RFX3: variants seen among roughly 807,000 people sequenced by gnomAD.
RFX3 encodes regulatory factor X3.
RFX3 carries 14 observed loss-of-function variants against 98.6 expected under a neutral mutation model. The observed-to-expected ratio is 0.14, with a 90% CI of 0.09 to 0.22. RFX3 has a LOEUF of 0.22. Ranked by LOEUF, RFX3 falls within the 10% of genes least tolerant of loss-of-function variation. RFX3 has a pLI of 1.00. For missense variants in RFX3, 639 were observed against 926.9 expected, an observed-to-expected ratio of 0.69 and a Z score of 4.03; for synonymous variants, 383 against 328.4, an observed-to-expected ratio of 1.17 and a Z score of -1.80.
intron 15 of RFX3, among the ~76,000 whole-genome samples, chr9:3,242,680 T>G (rs984097468): frequency 6.6e-6 from 1 of 152,160 alleles, no homozygotes; most frequent in Non-Finnish European, 1.5e-5. Flanking sequence ...TTGCTCTTCT[T>G]CAGTTTCTAG....
At chr9:3,342,346 A>G (rs1833979613) in intron 3 of RFX3, among the ~76,000 whole-genome samples, 2 of 152,130 alleles carry the variant, frequency 1.3e-5, no homozygotes, top group Admixed American at 6.6e-5. Flanking sequence ...TAACCACAGA[A>G]CTCTTAAGGG....
At chr9:3,345,987 G>A (rs369488051) in intron 3 of RFX3, among the ~76,000 whole-genome samples, 4 of 152,126 alleles carry the variant, frequency 2.6e-5, no homozygotes, top group African/African-American at 4.8e-5. Context: ...TAAGTTAACC[G>A]AGGAAGCCAA....
chr9:3,285,574 C>A (rs1826485778), intron 7 of RFX3, among the ~76,000 whole-genome samples: 1 of 151,602 alleles, frequency 6.6e-6, no homozygotes, highest in Admixed American at 6.6e-5. Context: ...CCACAGAAGA[C>A]TCCTGCTGCC....
chr9:3,432,089 T>C (rs2132544988), intron 1 of RFX3, among the ~76,000 whole-genome samples: 1 of 152,278 alleles, frequency 6.6e-6, no homozygotes, highest in East Asian at 1.9e-4. Context: ...GAGAAGCTCT[T>C]TTGCCACACT....
intron 1 of RFX3, among the ~76,000 whole-genome samples, chr9:3,436,258 T>C (rs1369808789): frequency 6.6e-6 from 1 of 152,086 alleles, no homozygotes; most frequent in African/African-American, 2.4e-5. Flanking sequence ...TAGATTTCCA[T>C]TTTCAGATAG....
intron 15 of RFX3, among the ~76,000 whole-genome samples, chr9:3,230,608 T>C (rs1350816690): frequency 6.6e-6 from 1 of 152,196 alleles, no homozygotes; most frequent in Non-Finnish European, 1.5e-5. Flanking sequence ...ATTATTTAAA[T>C]ATTTTAGAAC....
intron 4 of RFX3, among the ~76,000 whole-genome samples, chr9:3,308,170 C>T (rs1309940922): frequency 6.6e-6 from 1 of 152,114 alleles, no homozygotes; most frequent in South Asian, 2.1e-4. Flanking sequence ...TGTACACCTC[C>T]TCCCTATGAT....
intron 2 of RFX3, among the ~76,000 whole-genome samples, chr9:3,376,186 C>G (rs1425027464): frequency 6.6e-6 from 1 of 152,026 alleles, no homozygotes; most frequent in Non-Finnish European, 1.5e-5. Flanking sequence ...TTGGCAATAC[C>G]AAGTTTGACA....
At chr9:3,300,411 T>C (rs1164764766) in intron 5 of RFX3, among the ~76,000 whole-genome samples, 1 of 151,588 alleles carries the variant, frequency 6.6e-6, no homozygotes, top group Non-Finnish European at 1.5e-5. Context: ...AAATACCCCA[T>C]CTAAAAACAA....
At chr9:3,305,521 A>G (rs1829180046) in intron 4 of RFX3, among the ~76,000 whole-genome samples, 2 of 151,966 alleles carry the variant, frequency 1.3e-5, no homozygotes, top group African/African-American at 2.4e-5. Flanking sequence ...CAACGGTGGG[A>G]AAGTGAGGGT....
At chr9:3,372,150 T>C (rs1044008696) in intron 2 of RFX3, among the ~76,000 whole-genome samples, 7 of 152,190 alleles carry the variant, frequency 4.6e-5, no homozygotes, top group African/African-American at 1.7e-4. Flanking sequence ...AATACCTTCT[T>C]TGCCTACCAT....
At chr9:3,279,589 G>A (rs1825672475) in intron 7 of RFX3, among the ~76,000 whole-genome samples, 1 of 151,664 alleles carries the variant, frequency 6.6e-6, no homozygotes, top group Admixed American at 6.6e-5. Flanking sequence ...AAATATCAAG[G>A]GCAAATGGAA....
At chr9:3,409,516 C>T (rs1842277216) in intron 1 of RFX3, among the ~76,000 whole-genome samples, 1 of 152,184 alleles carries the variant, frequency 6.6e-6, no homozygotes, top group Non-Finnish European at 1.5e-5. Flanking sequence ...ATTTCAAAAA[C>T]TTTTGCAGCT....
intron 1 of RFX3, among the ~76,000 whole-genome samples, chr9:3,457,818 C>T (rs1847330034): frequency 6.6e-6 from 1 of 151,972 alleles, no homozygotes; most frequent in South Asian, 2.1e-4. Context: ...ATTCACCAAA[C>T]TAGAGTAAAG....
chr9:3,507,595 C>T (rs1817227704), intron 1 of RFX3, among the ~76,000 whole-genome samples: 1 of 151,844 alleles, frequency 6.6e-6, no homozygotes, highest in Admixed American at 6.6e-5. Flanking sequence ...GTTGTCCCTC[C>T]GTAACCATGG....
intron 8 of RFX3, among the ~76,000 whole-genome samples, chr9:3,276,708 C>T (rs1825273803): frequency 6.6e-6 from 1 of 151,958 alleles, no homozygotes; most frequent in Non-Finnish European, 1.5e-5. Context: ...CTCTCTGATA[C>T]CTTCTACTTA....
intron 1 of RFX3, among the ~76,000 whole-genome samples, chr9:3,422,234 T>C (rs1843509692): frequency 6.6e-6 from 1 of 152,176 alleles, no homozygotes; most frequent in Admixed American, 6.5e-5. Flanking sequence ...TGAAAACTAG[T>C]CTTGTTTCAG....
Position 3,327,306 on chromosome 9 carries a change from C to T in RFX3, c.474+2953G>A, listed in dbSNP as rs76396496. Among the ~76,000 whole-genome samples, 1,257 of 152,156 alleles carry T rather than the reference C, an allele frequency of 8.3e-3. 11 individuals carry two copies. Among genetic ancestry groups the T allele is most frequent in the African/African-American group, 0.029 (1,189 of 41,522 alleles). On this transcript the variant is annotated intron_variant, in intron 4 of 16. Coordinates refer to ENST00000617270, the MANE Select transcript of RFX3 (RefSeq NM_001282116.2). ...GATATGAAATCTTAAATAGGTTTCA[C>T]GGCACTTCAACTTTGTTAATTTTAC...
chr9:3,426,685 G>A (rs544680964), intron 1 of RFX3, among the ~76,000 whole-genome samples: 125 of 152,264 alleles, frequency 8.2e-4, no homozygotes, highest in Middle Eastern at 6.8e-3. Context: ...CCATGCGAGG[G>A]ATCTAGGTTG....
Sources: allele counts gnomAD v4.1 joint callset (sites outside exome capture counted in the v4.1 genomes callset), GRCh38; gene constraint gnomAD v4.1.1; transcripts MANE v1.5; gene names NCBI Gene and HGNC (gene_info 2026-07-23, HGNC 2026-07-21).